CDH1: variants seen among roughly 807,000 people sequenced by gnomAD.
The protein encoded by CDH1 is cadherin 1, also known as cadherin-1.
Under a neutral mutation model 84.5 loss-of-function variants are expected in CDH1, and 35 were observed. The ratio of observed to expected loss-of-function variants is 0.41; its 90% CI spans 0.32 to 0.55. CDH1 has a LOEUF of 0.55. CDH1 is among the 20% of genes least tolerant of loss of function. CDH1 has a pLI of 0.19. For synonymous variants in CDH1, 417 were observed against 439.0 expected (o/e 0.95, Z 0.63); for missense variants, 994 against 1,126.6 (o/e 0.88, Z 1.68).
intron 6 of CDH1, among the ~76,000 whole-genome samples, chr16:68,811,334 T>C (rs1339788863): frequency 6.7e-6 from 1 of 148,676 alleles, no homozygotes; most frequent in Admixed American, 6.8e-5. Context: ...GAGACAGAGA[T>C]TGTGGTGAGC....
At chr16:68,828,885 T>A (rs949336204) in intron 14 of CDH1, among the ~76,000 whole-genome samples, 1 of 152,280 alleles carries the variant, frequency 6.6e-6, no homozygotes, top group South Asian at 2.1e-4. Context: ...TGTTTTTGAC[T>A]GAGGCCACAG....
At chr16:68,747,545 T>C (rs530506267) in intron 2 of CDH1, among the ~76,000 whole-genome samples, 1 of 152,284 alleles carries the variant, frequency 6.6e-6, no homozygotes, top group South Asian at 2.1e-4. Flanking sequence ...CAAACCACGC[T>C]TCACCCAGTT....
In CDH1 at chr16:68,737,515, C is replaced by A; in HGVS notation, c.48+52C>A. On this transcript the variant is annotated intron_variant, in intron 1 of 15. Coordinates refer to ENST00000261769, the MANE Select transcript of CDH1 (RefSeq NM_004360.5). ...GGACGCATTCGGGCCGCAAGCTCCG[C>A]GCCCCAGCCCTGCGCCCCTTCCTCT... 1 of 1,351,408 alleles carries A rather than the reference C, an allele frequency of 7.4e-7. No homozygotes were observed. The highest frequency in any genetic ancestry group is 2.0e-5 in the Admixed American group (1 of 50,228). The allele number at this position is 1,351,408 out of a possible 1,614,324, so 83.7% of individuals were successfully genotyped here.
chr16:68,811,203 G>C (rs1960813663), intron 6 of CDH1, among the ~76,000 whole-genome samples: 1 of 151,984 alleles, frequency 6.6e-6, no homozygotes, highest in Non-Finnish European at 1.5e-5. Flanking sequence ...TTTGAGACCA[G>C]CCTGACCAAC....
intron 2 of CDH1, among the ~76,000 whole-genome samples, chr16:68,777,534 CTT>C (rs71148949): frequency 2.6e-5 from 2 of 76,986 alleles, no homozygotes; most frequent in South Asian, 5.5e-4. Flanking sequence ...GTAATGTTTC[CTT>C]TTTTTTTTTT....
At chr16:68,762,679 C>G (rs1959254127) in intron 2 of CDH1, among the ~76,000 whole-genome samples, 1 of 152,042 alleles carries the variant, frequency 6.6e-6, no homozygotes, top group Admixed American at 6.6e-5. Context: ...GAGGCCAAGG[C>G]CAGAGGATCA....
At position 68,747,946 on chromosome 16, in the gene CDH1, T is replaced by C. The variant is rs190121973; in HGVS notation, c.163+9535T>C. Among the ~76,000 whole-genome samples the C allele has an allele frequency of 2.0e-5, 3 of 152,056 alleles. No individual in the cohort carries two copies. The East Asian group carries it at 5.8e-4, about 29-fold the overall frequency. On this transcript the variant is annotated intron_variant, in intron 2 of 15. Transcript: ENST00000261769. ...ACCCGGCTAATTTTTGTATTTTTAG[T>C]AGAGACAGGGTTTCACCATGTTGGC...
At chr16:68,818,239 CAA>C (rs576537213) in intron 10 of CDH1, among the ~76,000 whole-genome samples, 8 of 83,530 alleles carry the variant, frequency 9.6e-5, no homozygotes, top group Admixed American at 2.8e-4. Flanking sequence ...GACTCTGTCC[CAA>C]AAAAAAAAAA....
At position 68,813,414 on chromosome 16, in the gene CDH1, C is replaced by T. The variant is rs36074916; in HGVS notation, c.1239C>T (p.Tyr413=). 9.3e-5 allele frequency: 150 copies of T among 1,614,116 alleles called. 3 individuals are homozygous for T. In the African/African-American group the frequency reaches 1.6e-3, roughly 17 times the overall value. The change falls in exon 9 of 16, where the codon TAC becomes TAT. Residue 413 remains tyrosine, a synonymous_variant. Coordinates refer to ENST00000261769, the MANE Select transcript of CDH1 (RefSeq NM_004360.5). The part of the protein sequence containing the change: ...APNTPAWEAV[Y]TILNDDGGQF... ...ATACCCCAGCGTGGGAGGCTGTATA[C>T]ACCATATTGAATGATGATGGTGGAC...
chr16:68,787,995 T>G (rs540568063), intron 2 of CDH1, among the ~76,000 whole-genome samples: 2 of 152,134 alleles, frequency 1.3e-5, no homozygotes, highest in African/African-American at 4.8e-5. Flanking sequence ...CCCGCTAATT[T>G]TTTGTATTTT....
chr16:68,793,930 CAA>C (rs35590027), intron 2 of CDH1, among the ~76,000 whole-genome samples: 204 of 86,450 alleles, frequency 2.4e-3, no homozygotes, highest in African/African-American at 3.4e-3. Context: ...GACTCTGTCT[CAA>C]AAAAAAAAAA....
chr16:68,813,914 C>G (rs1243200494), intron 9 of CDH1, among the ~76,000 whole-genome samples: 1 of 135,960 alleles, frequency 7.4e-6, no homozygotes, highest in African/African-American at 2.8e-5. Context: ...CTCTGGGTGA[C>G]AGAGCAAGAC....
chr16:68,761,384 G>A (rs1959223488), intron 2 of CDH1, among the ~76,000 whole-genome samples: 1 of 152,152 alleles, frequency 6.6e-6, no homozygotes, highest in Admixed American at 6.5e-5. Flanking sequence ...CCTCAAGCTT[G>A]CTTCTAGGTG....
At chr16:68,809,781 C>T (rs1353958503) in intron 5 of CDH1, among the ~76,000 whole-genome samples, 1 of 152,174 alleles carries the variant, frequency 6.6e-6, no homozygotes, top group Non-Finnish European at 1.5e-5. Context: ...CCACCTCGGC[C>T]TCCCAAAGTG....
intron 2 of CDH1, among the ~76,000 whole-genome samples, chr16:68,766,335 A>G (rs151337285): frequency 4.5e-4 from 69 of 152,210 alleles, no homozygotes; most frequent in African/African-American, 1.6e-3. Context: ...CCCCTTGACT[A>G]TTTCATGGCA....
Position 68,828,262 on chromosome 16 carries a change from C to T in CDH1, c.2253C>T (p.Asn751=), listed in dbSNP as rs33964119. The T allele has an allele frequency of 0.034, 54,268 of 1,613,832 alleles. 1,173 individuals are homozygous for T. Among genetic ancestry groups the T allele is most frequent in the Admixed American group, 0.088 (5,305 of 59,988 alleles). ...LLPPEDDTRD[N]VYYYDEEGGG... ...CCCCAGAGGATGACACCCGGGACAA[C>T]GTTTATTACTATGATGAAGAAGGAG... The change falls in exon 14 of 16, where the codon AAC becomes AAT. Residue 751 remains asparagine, a synonymous_variant. Transcript: ENST00000261769.
At chr16:68,826,000 T>G (rs1178428494) in intron 13 of CDH1, among the ~76,000 whole-genome samples, 1 of 151,932 alleles carries the variant, frequency 6.6e-6, no homozygotes, top group Non-Finnish European at 1.5e-5. Context: ...AATATTTTTT[T>G]GTAGAAACAG....
chr16:68,801,521 A>G (rs1960497269), intron 2 of CDH1, 149 bp from the exon 3 acceptor site: 1 of 742,046 alleles, frequency 1.3e-6, no homozygotes, highest in Non-Finnish European at 2.5e-6. Context: ...CATTATGGTG[A>G]TAGCTTTGTT....
At chr16:68,801,997 T>C (rs947033743) in intron 3 of CDH1, 104 bp downstream of exon 3, 3 of 967,152 alleles carry the variant, frequency 3.1e-6, no homozygotes, top group Non-Finnish European at 4.9e-6. Flanking sequence ...GATGATTTTG[T>C]GTTGTAGGGG....
Sources: allele counts gnomAD v4.1 joint callset (sites outside exome capture counted in the v4.1 genomes callset), GRCh38; gene constraint gnomAD v4.1.1; transcripts MANE v1.5; gene names NCBI Gene and HGNC (gene_info 2026-07-23, HGNC 2026-07-21).